PTPRT: variants seen among roughly 807,000 people sequenced by gnomAD.
The protein encoded by PTPRT is protein tyrosine phosphatase receptor type T.
PTPRT carries 56 observed loss-of-function variants against 176.8 expected under a neutral mutation model. The ratio of observed to expected loss-of-function variants is 0.32; its 90% CI spans 0.26 to 0.40. PTPRT has a LOEUF of 0.40. Ranked by LOEUF, PTPRT falls within the 10% of genes least tolerant of loss-of-function variation. PTPRT has a pLI of 1.00. For missense variants in PTPRT, 1,540 were observed against 1,908.2 expected, an observed-to-expected ratio of 0.81 and a Z score of 3.60; for synonymous variants, 783 against 739.0, an observed-to-expected ratio of 1.06 and a Z score of -0.96.
At chr20:42,656,028 G>C (rs2075119598) in intron 7 of PTPRT, among the ~76,000 whole-genome samples, 1 of 152,090 alleles carries the variant, frequency 6.6e-6, no homozygotes, top group Non-Finnish European at 1.5e-5. Flanking sequence ...GAGAAACAGT[G>C]GACATATGAT....
intron 1 of PTPRT, among the ~76,000 whole-genome samples, chr20:43,176,398 A>G (rs1289878175): frequency 6.6e-6 from 1 of 152,256 alleles, no homozygotes; most frequent in Non-Finnish European, 1.5e-5. Flanking sequence ...AACAGACATC[A>G]CTTTTTAAAG....
At chr20:42,834,394 T>C (rs1267859140) in intron 2 of PTPRT, among the ~76,000 whole-genome samples, 5 of 152,142 alleles carry the variant, frequency 3.3e-5, no homozygotes, top group Non-Finnish European at 5.9e-5. Flanking sequence ...GTGGAACAAA[T>C]TGAATCCTCA....
chr20:42,541,592 A>AGTATTTACTAGTAAATACTAATACT (rs1265461266), intron 7 of PTPRT, among the ~76,000 whole-genome samples: 3 of 132,112 alleles, frequency 2.3e-5, no homozygotes, highest in Non-Finnish European at 3.3e-5. Flanking sequence ...CTAGTAAATA[A>AGTATTTACTAGTAAATACTAATACT]AGCTGAGTAG....
intron 6 of PTPRT, chr20:42,688,040 C>G (rs986843901): frequency 6.6e-6 from 1 of 152,172 alleles, no homozygotes; most frequent in African/African-American, 2.4e-5. Context: ...CAAGCCCACC[C>G]TGTTACATCA....
chr20:42,836,177 G>A (rs975338632), intron 2 of PTPRT, among the ~76,000 whole-genome samples: 4 of 152,102 alleles, frequency 2.6e-5, no homozygotes, highest in African/African-American at 9.7e-5. Context: ...CTAGCCTCCT[G>A]CTGCCCAGGC....
At chr20:43,049,698 G>T (rs2208047) in intron 1 of PTPRT, among the ~76,000 whole-genome samples, 4 of 152,038 alleles carry the variant, frequency 2.6e-5, no homozygotes, top group Non-Finnish European at 5.9e-5. Context: ...AGTATTTCCC[G>T]GGGAAATCAC....
rs546622457 is a variant in PTPRT, at chr20:42,770,391, A to C, written c.684+1044T>G. 6.6e-5 allele frequency among the ~76,000 whole-genome samples: 10 copies of C among 152,330 alleles called. No homozygotes were observed. The East Asian group carries it at 1.4e-3, about 21-fold the overall frequency. ...ATGGCTCCAACTTCTGTGCTGCCCC[A>C]AAAACTTGCTATTTGTGCTAGTATT... On this transcript the variant is annotated intron_variant, in intron 5 of 30. Transcript: ENST00000373187.
In PTPRT at chr20:42,436,069, C is replaced by T. The variant is rs141512693; in HGVS notation, c.1560+12151G>A. On this transcript the variant is annotated intron_variant, in intron 9 of 30. Transcript: ENST00000373187. ...ATGTAATAAAAAAATAAAATTTTCACTCCATCTCTCACCCTATGCAAAAAT... is the reference window on the plus strand; with the variant it reads ...ATGTAATAAAAAAATAAAATTTTCATTCCATCTCTCACCCTATGCAAAAAT... Among the ~76,000 whole-genome samples, 282 of 152,308 alleles carry T rather than the reference C, an allele frequency of 1.9e-3. 1 individual carries two copies. The highest frequency in any genetic ancestry group is 5.9e-3 in the African/African-American group (244 of 41,568).
chr20:42,741,012 A>C (rs1032190313), intron 6 of PTPRT, among the ~76,000 whole-genome samples: 1 of 152,220 alleles, frequency 6.6e-6, no homozygotes, highest in Non-Finnish European at 1.5e-5. Flanking sequence ...TGCTGGAGAA[A>C]GGATAAAGAA....
At chr20:42,635,407 AG>A (rs1426950105) in intron 7 of PTPRT, among the ~76,000 whole-genome samples, 7 of 152,182 alleles carry the variant, frequency 4.6e-5, no homozygotes, top group African/African-American at 1.4e-4. Flanking sequence ...AAGAAAAAAA[AG>A]AATATAGGTT....
At chr20:42,105,481 G>A (rs1271710489) in intron 24 of PTPRT, among the ~76,000 whole-genome samples, 1 of 152,036 alleles carries the variant, frequency 6.6e-6, no homozygotes, top group Non-Finnish European at 1.5e-5. Flanking sequence ...ATTCTTTCTG[G>A]AAAGCCATCT....
At chr20:42,486,933 C>T (rs1476127114) in intron 7 of PTPRT, among the ~76,000 whole-genome samples, 1 of 152,116 alleles carries the variant, frequency 6.6e-6, no homozygotes, top group Non-Finnish European at 1.5e-5. Context: ...AATGAAGCCA[C>T]TCGTCCCACA....
rs71335847 is a variant in PTPRT, at chr20:42,217,376, TACACACACACACAC to T, written c.2343-18002_2343-17989del. 7.1e-4 allele frequency among the ~76,000 whole-genome samples: 74 copies of T among 104,374 alleles called. 1 individual carries two copies. Among genetic ancestry groups the T allele is most frequent in the South Asian group, 5.2e-3 (14 of 2,686 alleles). 68.5% of individuals were successfully genotyped at this position (104,374 alleles called of 152,430 possible). A position where few individuals can be genotyped will look rare whatever the true frequency, so the allele number is the denominator to read the frequency against. On this transcript the variant is annotated intron_variant, in intron 15 of 30. Transcript: ENST00000373187. The stretch of plus-strand genomic sequence containing the variant: ...GGGGATAGAGTGAGACTCTCAAACA[TACACACACACACAC>T]ACACACACACACACACACACACACA...
At chr20:42,575,691 T>C (rs1420899992) in intron 7 of PTPRT, among the ~76,000 whole-genome samples, 1 of 152,152 alleles carries the variant, frequency 6.6e-6, no homozygotes, top group African/African-American at 2.4e-5. Flanking sequence ...CTTACAACAC[T>C]AGGCAGTGGG....
intron 1 of PTPRT, among the ~76,000 whole-genome samples, chr20:42,937,144 T>C (rs989593055): frequency 1.3e-5 from 2 of 152,234 alleles, no homozygotes; most frequent in Non-Finnish European, 2.9e-5. Context: ...AGTCTTGCTA[T>C]ATAGGCACAT....
chr20:42,283,853 A>G (rs1278341996), intron 12 of PTPRT, among the ~76,000 whole-genome samples: 3 of 152,130 alleles, frequency 2.0e-5, no homozygotes, highest in African/African-American at 7.2e-5. Flanking sequence ...GGCAGATTCT[A>G]TTCCATCTAG....
chr20:42,223,778 A>G (rs2055940667), intron 15 of PTPRT, among the ~76,000 whole-genome samples: 1 of 152,206 alleles, frequency 6.6e-6, no homozygotes, highest in Non-Finnish European at 1.5e-5. Flanking sequence ...TTCCCAAATC[A>G]AAATTGGTAT....
chr20:42,524,704 A>G (rs971681645), intron 7 of PTPRT, among the ~76,000 whole-genome samples: 1 of 152,152 alleles, frequency 6.6e-6, no homozygotes, highest in South Asian at 2.1e-4. Context: ...TCTCACTTTG[A>G]ATATTGTCCC....
intron 6 of PTPRT, among the ~76,000 whole-genome samples, chr20:42,701,913 C>T (rs1012378458): frequency 1.3e-5 from 2 of 152,086 alleles, no homozygotes; most frequent in Non-Finnish European, 2.9e-5. Flanking sequence ...TTTACAGATA[C>T]GAGCACTGAG....
Sources: allele counts gnomAD v4.1 joint callset (sites outside exome capture counted in the v4.1 genomes callset), GRCh38; gene constraint gnomAD v4.1.1; transcripts MANE v1.5; gene names NCBI Gene and HGNC (gene_info 2026-07-23, HGNC 2026-07-21).